COBL: variants seen among roughly 807,000 people sequenced by gnomAD.
COBL encodes the protein cordon-bleu WH2 repeat protein, also known as protein cordon-bleu.
A neutral mutation model predicts 98.8 loss-of-function variants in COBL; 51 were observed. The observed-to-expected ratio is 0.52, with a 90% confidence interval of 0.41 to 0.65. COBL has a LOEUF of 0.65. Among genes scored for constraint, COBL ranks in the 30% least tolerant of loss-of-function variants. COBL has a pLI of 0.00. For synonymous variants in COBL, 634 were observed against 651.7 expected, an observed-to-expected ratio of 0.97 and a Z score of 0.41; for missense variants, 1,617 against 1,617.5, an observed-to-expected ratio of 1.00 and a Z score of 0.01.
Position 51,017,280 on chromosome 7 carries a change from T to C in COBL, c.*271A>G, listed in dbSNP as rs1370924216. On this transcript the variant is annotated 3_prime_UTR_variant, in exon 13 of 13. Transcript: ENST00000265136. ...CTGGGCTCCAGCATTTATAGTCCCA[T>C]TAACCTGCCAACAAGAATCGTTTAT... is the stretch of plus-strand genomic sequence containing the variant. 1 of 589,114 alleles carries C rather than the reference T, an allele frequency of 1.7e-6. No individual in the cohort carries two copies. The highest frequency in any genetic ancestry group is 1.9e-5 in the African/African-American group (1 of 53,746). The allele number at this position is 589,114 out of a possible 1,614,324, so 36.5% of individuals were successfully genotyped here.
chr7:51,064,029 C>T (rs1791650108), intron 7 of COBL, among the ~76,000 whole-genome samples: 1 of 152,206 alleles, frequency 6.6e-6, no homozygotes, highest in Admixed American at 6.5e-5. Context: ...GTGCAAGACC[C>T]TCAGCACCCT....
At chr7:51,064,756 AT>A (rs928151726) in intron 7 of COBL, 61 of 170,358 alleles carry the variant, frequency 3.6e-4, no homozygotes, top group South Asian at 9.0e-4. Context: ...GACATTTTAT[AT>A]TTTTTTTTAA....
At chr7:51,255,594 G>C (rs747629639) in intron 1 of COBL, among the ~76,000 whole-genome samples, 1 of 152,200 alleles carries the variant, frequency 6.6e-6, no homozygotes, top group African/African-American at 2.4e-5. Flanking sequence ...GAACAAAGAA[G>C]GGGACTGAGC....
At chr7:51,305,547 G>A (rs1450143975) in intron 1 of COBL, among the ~76,000 whole-genome samples, 3 of 131,654 alleles carry the variant, frequency 2.3e-5, no homozygotes, top group African/African-American at 8.3e-5. Flanking sequence ...ACAGAAGGAG[G>A]ATTCTGCACA....
chr7:51,201,318 T>G (rs1477847103), intron 2 of COBL, among the ~76,000 whole-genome samples: 1 of 150,354 alleles, frequency 6.7e-6, no homozygotes, highest in Non-Finnish European at 1.5e-5. Flanking sequence ...TTAAATAAAA[T>G]AGGGTTTAAG....
At chr7:51,211,613 A>G (rs1018078576) in intron 2 of COBL, among the ~76,000 whole-genome samples, 2 of 152,182 alleles carry the variant, frequency 1.3e-5, no homozygotes, top group African/African-American at 2.4e-5. Flanking sequence ...TATGTTGCCA[A>G]ACACCATCCT....
Position 51,193,578 on chromosome 7 carries a change from A to C in COBL, c.257T>G (p.Met86Arg). 6 of 1,614,146 alleles carry C rather than the reference A, an allele frequency of 3.7e-6. No individual in the cohort carries two copies. The highest frequency in any genetic ancestry group is 5.1e-6 in the Non-Finnish European group (6 of 1,180,002). ...RSVLNGSHAM[M>R]DLLVELCLQN... ...AAGGCAAAGTTCAACCAGTAGGTCC[A>C]TCATCGCATGGCTGAAAAAAGGAAA... The change falls in exon 3 of 13, where the codon ATG becomes AGG. Residue 86 changes from methionine to arginine, a missense_variant. By Grantham distance (91) the Met-to-Arg change is moderately conservative. This residue lies in a region of COBL where 238 missense variants were observed against 215.0 expected (regional missense o/e 1.11). Coordinates refer to ENST00000265136, the MANE Select transcript of COBL (RefSeq NM_015198.5).
chr7:51,232,668 G>A (rs753964774), intron 1 of COBL, among the ~76,000 whole-genome samples: 9 of 152,074 alleles, frequency 5.9e-5, no homozygotes, highest in Non-Finnish European at 1.2e-4. Context: ...AAAATCAGCT[G>A]GGCGTGGTGG....
intron 1 of COBL, among the ~76,000 whole-genome samples, chr7:51,270,214 A>T (rs1327193077): frequency 6.6e-6 from 1 of 152,176 alleles, no homozygotes; most frequent in East Asian, 1.9e-4. Context: ...AGGGAAATAG[A>T]AGATGTTTAC....
At chr7:51,207,289 A>C (rs1414422596) in intron 2 of COBL, among the ~76,000 whole-genome samples, 2 of 151,846 alleles carry the variant, frequency 1.3e-5, no homozygotes, top group Non-Finnish European at 2.9e-5. Context: ...ATAAAAGTAC[A>C]CATTTAATTT....
chr7:51,243,393 G>A (rs1795986953), intron 1 of COBL, among the ~76,000 whole-genome samples: 1 of 152,166 alleles, frequency 6.6e-6, no homozygotes, highest in Admixed American at 6.5e-5. Context: ...GCCCTCATGG[G>A]ACTGCAAAGC....
chr7:51,248,698 T>C (rs986101073), intron 1 of COBL, among the ~76,000 whole-genome samples: 1 of 152,248 alleles, frequency 6.6e-6, no homozygotes, highest in Non-Finnish European at 1.5e-5. Flanking sequence ...TCTTTGTAAA[T>C]ATCTAAATAC....
chr7:51,227,718 G>A (rs1479597457), intron 1 of COBL, among the ~76,000 whole-genome samples: 3 of 152,118 alleles, frequency 2.0e-5, no homozygotes, highest in African/African-American at 7.2e-5. Flanking sequence ...TCCAGATTAA[G>A]AATCCATGTA....
In COBL at chr7:51,193,274, C is replaced by A. The variant is rs975666833; in HGVS notation, c.456+105G>T. The A allele has an allele frequency of 5.0e-5, 50 of 999,082 alleles. No individual in the cohort carries two copies. The African/African-American group carries it at 5.7e-4, about 11-fold the overall frequency. 61.9% of individuals were successfully genotyped at this position (999,082 alleles called of 1,614,324 possible). On this transcript the variant is annotated intron_variant, in intron 3 of 12. Coordinates refer to ENST00000265136, the MANE Select transcript of COBL (RefSeq NM_015198.5). ...CCTGGCATGAAAGTAGCAGCCTCAGCCACAGCTCTCTGCACTGTACTTTGA... is the reference window on the plus strand; with the variant it reads ...CCTGGCATGAAAGTAGCAGCCTCAGACACAGCTCTCTGCACTGTACTTTGA...
chr7:51,075,657 T>C (rs1344452584), intron 7 of COBL, among the ~76,000 whole-genome samples: 2 of 152,260 alleles, frequency 1.3e-5, no homozygotes, highest in Non-Finnish European at 1.5e-5. Context: ...GGCAAAGTGC[T>C]GTTCTGTTCC....
chr7:51,025,437 C>A, intron 11 of COBL, 65 bp from the exon 12 acceptor site: 1 of 1,548,260 alleles, frequency 6.5e-7, no homozygotes, highest in South Asian at 1.2e-5. Context: ...GCTGTGAAAT[C>A]CCAACGCCCA....
chr7:51,265,728 C>A (rs1798142851), intron 1 of COBL, among the ~76,000 whole-genome samples: 1 of 152,210 alleles, frequency 6.6e-6, no homozygotes, highest in South Asian at 2.1e-4. Flanking sequence ...GTGCCTGTTC[C>A]TCTGCAACCC....
At chr7:51,187,988 G>T in intron 4 of COBL, 1 of 1,232,170 alleles carries the variant, frequency 8.1e-7, no homozygotes, top group Non-Finnish European at 1.0e-6. Flanking sequence ...AGAGAGTGAG[G>T]TCCAGCTTTG....
At chr7:51,303,205 T>C (rs935410872) in intron 1 of COBL, among the ~76,000 whole-genome samples, 2 of 152,166 alleles carry the variant, frequency 1.3e-5, no homozygotes, top group Admixed American at 6.5e-5. Context: ...TTTATACCCT[T>C]TTATAAAATC....
Sources: gnomAD v4.1 joint callset for allele counts (sites outside exome capture counted in the v4.1 genomes callset) on GRCh38, gnomAD v4.1.1 for gene constraint, gnomAD v4.1.1 regional missense constraint, MANE v1.5 for transcripts, NCBI Gene and HGNC (gene_info 2026-07-23, HGNC 2026-07-21) for gene names.